The following GLRA3 variants were observed in gnomAD, a reference collection of about 807,000 sequenced individuals.
The protein encoded by GLRA3 is glycine receptor subunit alpha-3.
In GLRA3, 44 loss-of-function variants were observed where a neutral mutation model predicts 60.4. That is an observed-to-expected ratio of 0.73 (90% confidence interval 0.57 to 0.94). GLRA3 has a LOEUF of 0.94. Among genes scored for constraint, GLRA3 ranks in the 40% least tolerant of loss-of-function variants. The probability of loss-of-function intolerance (pLI) is 0.00; values close to 1 mark genes in which losing one functional copy is unlikely to be tolerated. For synonymous variants in GLRA3, 223 were observed against 192.9 expected, an observed-to-expected ratio of 1.16 and a Z score of -1.29; for missense variants, 508 against 564.6, an observed-to-expected ratio of 0.90 and a Z score of 1.02.
chr4:174,751,874 T>G (rs192177582), intron 3 of GLRA3, among the ~76,000 whole-genome samples: 88 of 152,218 alleles, frequency 5.8e-4, no homozygotes, highest in Non-Finnish European at 2.9e-4. Flanking sequence ...AAATTTACAG[T>G]TCATCTGAAG....
chr4:174,757,145 A>T (rs1409378630), intron 3 of GLRA3, among the ~76,000 whole-genome samples: 5 of 152,220 alleles, frequency 3.3e-5, no homozygotes. Context: ...AAATACAAAA[A>T]ATTGGAAAAG....
chr4:174,712,256 T>A (rs1735743738), intron 5 of GLRA3, among the ~76,000 whole-genome samples: 1 of 152,190 alleles, frequency 6.6e-6, no homozygotes, highest in Non-Finnish European at 1.5e-5. Context: ...GTTCTTCTCT[T>A]ATTCACTTTC....
At chr4:174,822,752 T>A (rs998031190) in intron 1 of GLRA3, among the ~76,000 whole-genome samples, 4 of 152,206 alleles carry the variant, frequency 2.6e-5, no homozygotes, top group Non-Finnish European at 4.4e-5. Flanking sequence ...GAATTCTTCA[T>A]CGCTTACATC....
intron 1 of GLRA3, among the ~76,000 whole-genome samples, chr4:174,814,161 A>G (rs1037368757): frequency 2.6e-5 from 4 of 152,182 alleles, no homozygotes; most frequent in African/African-American, 9.7e-5. Context: ...ACAGCTCAAT[A>G]GGGGGTCAGG....
At chr4:174,702,150 C>T (rs1007860262) in intron 5 of GLRA3, among the ~76,000 whole-genome samples, 6 of 152,238 alleles carry the variant, frequency 3.9e-5, no homozygotes, top group Admixed American at 3.3e-4. Flanking sequence ...ACATTCTTGT[C>T]TAATTTTAAG....
chr4:174,825,413 C>T (rs1043806698), intron 1 of GLRA3, among the ~76,000 whole-genome samples: 2 of 152,010 alleles, frequency 1.3e-5, no homozygotes, highest in African/African-American at 4.8e-5. Context: ...ATTATTATGA[C>T]ATCTGAAATT....
In GLRA3 at chr4:174,638,798, C is replaced by CT. The variant is rs1732561004; in HGVS notation, c.*4987dup. On this transcript the variant is annotated 3_prime_UTR_variant, in exon 10 of 10. Transcript: ENST00000274093. Reference sequence around the variant, plus strand: ...TATTCCAAAAATACTAAATTTAGCACTTGGGACAGTGCCAGGCACACATAA... The same window carrying CT: ...TATTCCAAAAATACTAAATTTAGCACTTTGGGACAGTGCCAGGCACACATAA... The CT allele has an allele frequency of 6.6e-6, 1 of 152,186 alleles. No homozygotes were observed. Among genetic ancestry groups the CT allele is most frequent in the Non-Finnish European group, 1.5e-5 (1 of 68,044 alleles). 9.4% of individuals were successfully genotyped at this position (152,186 alleles called of 1,614,324 possible). A position where few individuals can be genotyped will look rare whatever the true frequency, so the allele number is the denominator to read the frequency against.
intron 1 of GLRA3, among the ~76,000 whole-genome samples, chr4:174,800,224 G>A (rs940110796): frequency 6.6e-6 from 1 of 151,888 alleles, no homozygotes; most frequent in African/African-American, 2.4e-5. Flanking sequence ...TAGTAAACAT[G>A]CAAAAATAAA....
At chr4:174,776,292 G>A (rs1253536271) in intron 2 of GLRA3, among the ~76,000 whole-genome samples, 2 of 152,130 alleles carry the variant, frequency 1.3e-5, no homozygotes, top group East Asian at 3.9e-4. Context: ...GGGCAATGCA[G>A]CCTGTGTCAG....
At chr4:174,760,270 T>G (rs983126270) in intron 3 of GLRA3, among the ~76,000 whole-genome samples, 2 of 152,154 alleles carry the variant, frequency 1.3e-5, no homozygotes, top group Non-Finnish European at 2.9e-5. Flanking sequence ...AAGTCCAACT[T>G]TACAACCATT....
chr4:174,707,970 TTA>T (rs1375074145), intron 5 of GLRA3, among the ~76,000 whole-genome samples: 2 of 152,308 alleles, frequency 1.3e-5, no homozygotes, highest in East Asian at 3.9e-4. Context: ...GATGGAATAC[TTA>T]ATGTTTAAGT....
intron 3 of GLRA3, among the ~76,000 whole-genome samples, chr4:174,739,299 C>T (rs558249268): frequency 6.6e-6 from 1 of 152,210 alleles, no homozygotes; most frequent in East Asian, 1.9e-4. Flanking sequence ...AAAATCCACC[C>T]CTACATTGTG....
chr4:174,706,710 C>T (rs1162342672), intron 5 of GLRA3, among the ~76,000 whole-genome samples: 2 of 152,068 alleles, frequency 1.3e-5, no homozygotes, highest in Non-Finnish European at 2.9e-5. Flanking sequence ...AAATAAAATT[C>T]CAGAGCATGA....
chr4:174,749,602 G>A lies in GLRA3; in HGVS notation c.267+17361C>T, dbSNP rs188071627. On this transcript the variant is annotated intron_variant, in intron 3 of 9. Transcript: ENST00000274093. ...CAAAGAATAATGTCACAGGCATGAGGGAGTCAGGGACTGAGAAATGGGTTG... is the reference window on the plus strand; with the variant it reads ...CAAAGAATAATGTCACAGGCATGAGAGAGTCAGGGACTGAGAAATGGGTTG... 2.0e-5 allele frequency among the ~76,000 whole-genome samples: 3 copies of A among 152,160 alleles called. No individual in the cohort carries two copies. In the South Asian group the frequency reaches 6.2e-4, roughly 32 times the overall value.
At chr4:174,664,768 T>A (rs1483911680) in intron 7 of GLRA3, among the ~76,000 whole-genome samples, 1 of 152,280 alleles carries the variant, frequency 6.6e-6, no homozygotes, top group South Asian at 2.1e-4. Flanking sequence ...TTTTATGGGG[T>A]ATAAAGCCCT....
chr4:174,819,712 C>A (rs1293441969), intron 1 of GLRA3, among the ~76,000 whole-genome samples: 1 of 152,150 alleles, frequency 6.6e-6, no homozygotes, highest in Admixed American at 6.6e-5. Flanking sequence ...AGGATTAATA[C>A]ATAAATGTAT....
Position 174,719,083 on chromosome 4 carries a change from C to T in GLRA3, c.492-3513G>A, listed in dbSNP as rs527299621. On this transcript the variant is annotated intron_variant, in intron 4 of 9. Transcript: ENST00000274093. ...GGTTCACCCCATTCTCCTGCCTCAG[C>T]CTCCCGAGTAGCTGGGACTACAGGC... Among the ~76,000 whole-genome samples the T allele has an allele frequency of 4.7e-4, 71 of 151,078 alleles. 1 individual carries two copies. In the Middle Eastern group the frequency reaches 0.021, roughly 44 times the overall value.
intron 2 of GLRA3, among the ~76,000 whole-genome samples, chr4:174,785,329 T>C (rs1185170494): frequency 6.6e-6 from 1 of 151,424 alleles, no homozygotes; most frequent in East Asian, 2.0e-4. Context: ...GTTTTCCCAC[T>C]ATGGCCTTCA....
chr4:174,691,432 G>A (rs1561057921), intron 5 of GLRA3, among the ~76,000 whole-genome samples: 4 of 152,046 alleles, frequency 2.6e-5, no homozygotes, highest in African/African-American at 4.8e-5. Flanking sequence ...GTCTCCCTCT[G>A]ATGCCCAGCC....
Sources: gnomAD v4.1 joint callset for allele counts (sites outside exome capture counted in the v4.1 genomes callset) on GRCh38, gnomAD v4.1.1 for gene constraint, MANE v1.5 for transcripts, NCBI Gene and HGNC (gene_info 2026-07-23, HGNC 2026-07-21) for gene names.